AGMO: variants seen among roughly 807,000 people sequenced by gnomAD.
AGMO encodes the protein glyceryl-ether monooxygenase.
AGMO carries 75 observed loss-of-function variants against 60.2 expected under a neutral mutation model. The observed-to-expected ratio is 1.25, with a 90% CI of 1.03 to 1.51. The LOEUF (loss-of-function observed/expected upper bound fraction) is 1.51. Ranked by LOEUF, AGMO falls within the 40% of genes most tolerant of loss-of-function variation. The pLI is 0.00. For missense variants in AGMO, 763 were observed against 525.5 expected (o/e 1.45, Z -4.42); for synonymous variants, 261 against 177.1 (o/e 1.47, Z -3.76).
chr7:15,146,018 C>A, the AGMO span, among the ~76,000 whole-genome samples: 1 of 152,026 alleles, frequency 6.6e-6, no homozygotes, highest in African/African-American at 2.4e-5. Flanking sequence ...AATTTTTATT[C>A]ATGGAATGAG....
chr7:15,436,627 T>G (rs912205343), intron 3 of AGMO, among the ~76,000 whole-genome samples: 1 of 152,138 alleles, frequency 6.6e-6, no homozygotes, highest in East Asian at 1.9e-4. Context: ...AACTTTTAAT[T>G]TTATAAAGAA....
chr7:15,130,321 T>C, the AGMO span, among the ~76,000 whole-genome samples: 3 of 151,974 alleles, frequency 2.0e-5, no homozygotes, highest in African/African-American at 4.8e-5. Flanking sequence ...TTTCTGACAA[T>C]AGTCAAATTC....
At chr7:15,118,876 ATTTTTTTTTTTTTTTTTTTTTT>A in the AGMO span, among the ~76,000 whole-genome samples, 46 of 81,732 alleles carry the variant, frequency 5.6e-4, 1 homozygote, top group Admixed American at 2.2e-3. Context: ...AGACGTCAGT[ATTTTTTTTTTTTTTTTTTTTTT>A]TTTTTTTTTT....
chr7:15,537,860 G>A (rs1541982), intron 3 of AGMO, among the ~76,000 whole-genome samples: 20 of 151,890 alleles, frequency 1.3e-4, no homozygotes, highest in African/African-American at 4.6e-4. Flanking sequence ...TCCGAGAAAG[G>A]CCCCTCAAAT....
At chr7:15,267,004 C>T (rs1483684696) in intron 12 of AGMO, among the ~76,000 whole-genome samples, 2 of 151,912 alleles carry the variant, frequency 1.3e-5, no homozygotes, top group Admixed American at 1.3e-4. Flanking sequence ...AAAATGGCCA[C>T]TTAGTGGAAG....
chr7:15,499,265 TG>T (rs1480330287), intron 3 of AGMO, among the ~76,000 whole-genome samples: 2 of 151,910 alleles, frequency 1.3e-5, no homozygotes, highest in African/African-American at 4.8e-5. Context: ...TCAATAAAGA[TG>T]TTTTTTTAAA....
At chr7:15,252,947 G>C (rs1782981405) in intron 12 of AGMO, among the ~76,000 whole-genome samples, 1 of 152,142 alleles carries the variant, frequency 6.6e-6, no homozygotes, top group East Asian at 1.9e-4. Flanking sequence ...TATGTCAAAT[G>C]CTGGTAAAAG....
chr7:15,141,888 G>A, the AGMO span, among the ~76,000 whole-genome samples: 31 of 152,170 alleles, frequency 2.0e-4, no homozygotes, highest in Non-Finnish European at 3.7e-4. Context: ...ACTCTGCCAG[G>A]TAACACAGCA....
chr7:15,406,855 C>T (rs1784713170), intron 5 of AGMO, among the ~76,000 whole-genome samples: 2 of 114,102 alleles, frequency 1.8e-5, no homozygotes, highest in African/African-American at 7.0e-5. Context: ...TATATGTGAT[C>T]CTAAAATTGT....
intron 5 of AGMO, among the ~76,000 whole-genome samples, chr7:15,405,371 C>T (rs760528580): frequency 2.6e-5 from 4 of 151,870 alleles, no homozygotes; most frequent in African/African-American, 9.7e-5. Flanking sequence ...TTACTATCAG[C>T]TTCTATGTTC....
chr7:15,547,843 A>G (rs1784831382), intron 2 of AGMO, among the ~76,000 whole-genome samples: 1 of 152,064 alleles, frequency 6.6e-6, no homozygotes, highest in African/African-American at 2.4e-5. Flanking sequence ...CTGCCTCTGT[A>G]GGCTCCACCT....
At chr7:15,362,746 A>T (rs1358410902) in intron 12 of AGMO, among the ~76,000 whole-genome samples, 1 of 152,202 alleles carries the variant, frequency 6.6e-6, no homozygotes, top group Non-Finnish European at 1.5e-5. Flanking sequence ...ATCCAGAGGT[A>T]AATTATTCAA....
chr7:15,210,095 G>T (rs1277690367), intron 12 of AGMO, among the ~76,000 whole-genome samples: 7 of 152,080 alleles, frequency 4.6e-5, no homozygotes, highest in Admixed American at 3.9e-4. Context: ...CTGCTGGGAA[G>T]GAGCTCAAAT....
intron 3 of AGMO, among the ~76,000 whole-genome samples, chr7:15,466,406 A>C (rs1782290563): frequency 6.6e-6 from 1 of 152,194 alleles, no homozygotes; most frequent in African/African-American, 2.4e-5. Context: ...TAATGTAGTT[A>C]ATGTTATATG....
the AGMO span, among the ~76,000 whole-genome samples, chr7:15,174,626 G>C: frequency 6.6e-6 from 1 of 151,888 alleles, no homozygotes; most frequent in Admixed American, 6.6e-5. Context: ...ATGCATGAGA[G>C]GTCATTTAGA....
chr7:15,460,051 C>T (rs547036897), intron 3 of AGMO, among the ~76,000 whole-genome samples: 58 of 151,684 alleles, frequency 3.8e-4, no homozygotes, highest in South Asian at 2.1e-3. Context: ...ACTTTGTATC[C>T]CTGGGGACAC....
At chr7:15,452,827 C>G (rs969025467) in intron 3 of AGMO, among the ~76,000 whole-genome samples, 3 of 152,032 alleles carry the variant, frequency 2.0e-5, no homozygotes, top group Non-Finnish European at 2.9e-5. Flanking sequence ...TGGAAACAAC[C>G]CAAATGTCCA....
intron 3 of AGMO, among the ~76,000 whole-genome samples, chr7:15,455,078 TTCTC>T (rs1191038290): frequency 1.0e-5 from 1 of 98,038 alleles, no homozygotes; most frequent in Non-Finnish European, 2.1e-5. Context: ...CTCTCTCTCT[TTCTC>T]ACACACACAC....
chr7:15,547,474 C>G (rs1784814096), intron 2 of AGMO, among the ~76,000 whole-genome samples: 1 of 152,134 alleles, frequency 6.6e-6, no homozygotes, highest in South Asian at 2.1e-4. Flanking sequence ...CGTGCGCGAG[C>G]CGAAGCAGGG....
Sources: allele counts gnomAD v4.1 joint callset (sites outside exome capture counted in the v4.1 genomes callset), GRCh38; gene constraint gnomAD v4.1.1; transcripts MANE v1.5; gene names NCBI Gene and HGNC (gene_info 2026-07-23, HGNC 2026-07-21).